Variants in RBFOX1 observed in about 807,000 individuals in gnomAD.
RBFOX1 encodes the protein RNA binding fox-1 homolog 1, also known as RNA binding protein fox-1 homolog 1.
A neutral mutation model predicts 57.7 loss-of-function variants in RBFOX1; 8 were observed. The observed-to-expected ratio is 0.14, with a 90% confidence interval of 0.08 to 0.25. RBFOX1 has a LOEUF of 0.25. RBFOX1 is among the 10% of genes least tolerant of loss of function. The probability of loss-of-function intolerance (pLI) is 1.00; values close to 1 mark genes in which losing one functional copy is unlikely to be tolerated. For missense variants in RBFOX1, 611 were observed against 548.5 expected (o/e 1.11, Z -1.14); for synonymous variants, 326 against 222.4 (o/e 1.47, Z -4.15).
intron 2 of RBFOX1, among the ~76,000 whole-genome samples, chr16:6,369,629 C>G (rs957331069): frequency 1.3e-5 from 2 of 152,156 alleles, no homozygotes; most frequent in African/African-American, 4.8e-5. Context: ...CCCCCACCAT[C>G]TTTCCTTTAT....
intron 2 of RBFOX1, among the ~76,000 whole-genome samples, chr16:6,612,582 T>G (rs2098077734): frequency 6.6e-6 from 1 of 152,120 alleles, no homozygotes; most frequent in Non-Finnish European, 1.5e-5. Flanking sequence ...CCGGGTGTAG[T>G]TGGTCACACC....
At chr16:6,734,926 G>C (rs992481212) in intron 3 of RBFOX1, among the ~76,000 whole-genome samples, 5 of 152,126 alleles carry the variant, frequency 3.3e-5, no homozygotes, top group African/African-American at 1.2e-4. Flanking sequence ...CCTCGCTTGA[G>C]CCCAGGAGTT....
At chr16:5,692,807 G>T (rs193169371) in intron 3 of RBFOX1, among the ~76,000 whole-genome samples, 14 of 152,228 alleles carry the variant, frequency 9.2e-5, no homozygotes, top group East Asian at 1.9e-4. Flanking sequence ...AGGCAAGAGG[G>T]TTGTGCTCAT....
intron 15 of RBFOX1, chr16:7,710,388 C>G: frequency 7.3e-7 from 1 of 1,375,338 alleles, no homozygotes; most frequent in Non-Finnish European, 9.3e-7. Flanking sequence ...GTCCTTTTAG[C>G]TAAGAGGACT....
At chr16:5,557,748 G>A (rs1357770702) in intron 2 of RBFOX1, among the ~76,000 whole-genome samples, 1 of 152,162 alleles carries the variant, frequency 6.6e-6, no homozygotes, top group Non-Finnish European at 1.5e-5. Context: ...TGGGGCAAAG[G>A]CCCCACCCCC....
chr16:7,532,741 C>T (rs1165040852), intron 5 of RBFOX1, among the ~76,000 whole-genome samples: 1 of 152,224 alleles, frequency 6.6e-6, no homozygotes, highest in Non-Finnish European at 1.5e-5. Flanking sequence ...AACACAGTCA[C>T]ACTAACTGGT....
chr16:7,089,209 C>T (rs991399916), intron 4 of RBFOX1, among the ~76,000 whole-genome samples: 6 of 152,116 alleles, frequency 3.9e-5, no homozygotes, highest in Non-Finnish European at 7.4e-5. Flanking sequence ...ATTTTGTCTT[C>T]ATTTCAGGGC....
At chr16:6,982,236 G>C (rs2089112822) in intron 3 of RBFOX1, among the ~76,000 whole-genome samples, 1 of 152,162 alleles carries the variant, frequency 6.6e-6, no homozygotes, top group Non-Finnish European at 1.5e-5. Flanking sequence ...TACCCGGGGA[G>C]AAATGTAGCT....
At chr16:7,695,736 A>G (rs1009755950) in intron 14 of RBFOX1, among the ~76,000 whole-genome samples, 1 of 152,046 alleles carries the variant, frequency 6.6e-6, no homozygotes, top group African/African-American at 2.4e-5. Context: ...ACCTCCTTAT[A>G]AAAACATTTA....
chr16:6,649,461 A>G (rs2154081817), intron 2 of RBFOX1, among the ~76,000 whole-genome samples: 1 of 152,260 alleles, frequency 6.6e-6, no homozygotes. Context: ...TAATGCACCC[A>G]TCACCCAAGC....
chr16:7,094,777 G>GTGTGT (rs1567232668), intron 4 of RBFOX1, among the ~76,000 whole-genome samples: 30 of 53,594 alleles, frequency 5.6e-4, no homozygotes, highest in South Asian at 2.0e-3. Flanking sequence ...TGTGTGTGTG[G>GTGTGT]GTGTGTGTGT....
At chr16:7,515,403 A>G (rs2076142355) in intron 4 of RBFOX1, among the ~76,000 whole-genome samples, 1 of 152,012 alleles carries the variant, frequency 6.6e-6, no homozygotes, top group Non-Finnish European at 1.5e-5. Context: ...TGGAAACAAG[A>G]GTTAAAAATA....
At chr16:5,900,582 T>C (rs1384413959) in intron 4 of RBFOX1, among the ~76,000 whole-genome samples, 1 of 152,162 alleles carries the variant, frequency 6.6e-6, no homozygotes, top group African/African-American at 2.4e-5. Flanking sequence ...TCCCGCCTCA[T>C]GCAGCCAGTT....
intron 3 of RBFOX1, among the ~76,000 whole-genome samples, chr16:6,864,709 G>C (rs2059605865): frequency 6.6e-6 from 1 of 151,944 alleles, no homozygotes; most frequent in African/African-American, 2.4e-5. Flanking sequence ...ATGGAATCCT[G>C]AAGAAAAAGT....
rs1246234765 is a variant in RBFOX1, at chr16:7,710,835, T to C, written c.*90T>C. The C allele has an allele frequency of 2.0e-5, 23 of 1,130,970 alleles. No individual in the cohort carries two copies. The East Asian group carries it at 6.9e-4, about 34-fold the overall frequency. The allele number at this position is 1,130,970 out of a possible 1,614,324, so 70.1% of individuals were successfully genotyped here. A position where few individuals can be genotyped will look rare whatever the true frequency, so the allele number is the denominator to read the frequency against. On this transcript the variant is annotated 3_prime_UTR_variant, in exon 16 of 16. Transcript: ENST00000550418. The stretch of plus-strand genomic sequence containing the variant: ...CAATACATGCAGTAGTACATCATTT[T>C]AGCAACTCTAAAAAAAAAAAAAATA...
At chr16:7,469,358 G>T (rs73500338) in intron 4 of RBFOX1, among the ~76,000 whole-genome samples, 8 of 152,130 alleles carry the variant, frequency 5.3e-5, no homozygotes, top group East Asian at 1.9e-4. Flanking sequence ...CACCGCACCT[G>T]GCCCCAGCCT....
chr16:5,249,556 C>T (rs2062392965), intron 1 of RBFOX1, among the ~76,000 whole-genome samples: 1 of 152,224 alleles, frequency 6.6e-6, no homozygotes, highest in Non-Finnish European at 1.5e-5. Context: ...TCTGCCTTTC[C>T]TGCCTTGGAC....
At chr16:6,655,347 C>T (rs1486991534) in intron 3 of RBFOX1, among the ~76,000 whole-genome samples, 1 of 94,464 alleles carries the variant, frequency 1.1e-5, no homozygotes, top group African/African-American at 3.7e-5. Flanking sequence ...GCACTCCAGC[C>T]TGAGTGACAA....
intron 3 of RBFOX1, among the ~76,000 whole-genome samples, chr16:6,691,040 C>G (rs34065394): frequency 0.06 from 9,159 of 152,172 alleles, 322 homozygotes; most frequent in African/African-American, 0.091. Flanking sequence ...TTTTGTTATT[C>G]ATGTTACATC....
Sources: allele counts gnomAD v4.1 joint callset (sites outside exome capture counted in the v4.1 genomes callset), GRCh38; gene constraint gnomAD v4.1.1; transcripts MANE v1.5; gene names NCBI Gene and HGNC (gene_info 2026-07-23, HGNC 2026-07-21).